SCN9A: variants seen among roughly 807,000 people sequenced by gnomAD.
SCN9A encodes sodium voltage-gated channel alpha subunit 9, also known as sodium channel protein type 9 subunit alpha.
SCN9A carries 131 observed loss-of-function variants against 187.0 expected under a neutral mutation model. The observed-to-expected ratio is 0.70, with a 90% confidence interval of 0.61 to 0.81. The LOEUF (loss-of-function observed/expected upper bound fraction) is 0.81, where lower values mean the gene tolerates loss of function less well. SCN9A is among the 30% of genes least tolerant of loss of function. The pLI, the probability that SCN9A is intolerant of heterozygous loss-of-function variation, is 0.00. For missense variants in SCN9A, 2,252 were observed against 2,396.6 expected, an observed-to-expected ratio of 0.94 and a Z score of 1.26; for synonymous variants, 809 against 808.6, an observed-to-expected ratio of 1.00 and a Z score of -0.01.
intron 1 of SCN9A, among the ~76,000 whole-genome samples, chr2:166,355,669 A>G (rs1193920427): frequency 6.6e-6 from 1 of 152,162 alleles, no homozygotes; most frequent in Non-Finnish European, 1.5e-5. Flanking sequence ...CTTTAAAGGA[A>G]TTATGCAGTA....
chr2:166,199,837 G>C lies in SCN9A; in HGVS notation c.4802C>G (p.Thr1601Arg). The C allele has an allele frequency of 6.2e-7, 1 of 1,613,676 alleles. No individual in the cohort carries two copies. Among genetic ancestry groups the C allele is most frequent in the East Asian group, 2.2e-5 (1 of 44,872 alleles). ...GAACAGGGTAGGGGACACAAAATAC[G>C]TTTCAATCAAATCAGCTAGAAACAT... ...VGMFLADLIE[T>R]YFVSPTLFRV... The change falls in exon 27 of 27, where the codon ACG becomes AGG. Residue 1601 changes from threonine to arginine, a missense_variant. Around this residue, in one of 7 missense-constraint regions of SCN9A, gnomAD observed 368 missense variants for 408.6 expected, o/e 0.90. Transcript: ENST00000642356.
intron 1 of SCN9A, among the ~76,000 whole-genome samples, chr2:166,335,018 T>G (rs1366110389): frequency 1.3e-5 from 2 of 152,156 alleles, no homozygotes; most frequent in Admixed American, 1.3e-4. Flanking sequence ...TTTCACCATT[T>G]TCAATATTAG....
In SCN9A at chr2:166,198,072, A is replaced by G. The variant is rs1693294550; in HGVS notation, c.*600T>C. ...ATAGCCTACATATATTTTTAATCCC[A>G]TGGCATTTTATAGGCACATATAAAT... On this transcript the variant is annotated 3_prime_UTR_variant, in exon 27 of 27. Coordinates refer to ENST00000642356, the MANE Select transcript of SCN9A (RefSeq NM_001365536.1). 6.6e-6 allele frequency: 1 copy of G among 152,256 alleles called. No homozygotes were observed. The highest frequency in any genetic ancestry group is 1.9e-4 in the East Asian group (1 of 5,196). 9.4% of individuals were successfully genotyped at this position (152,256 alleles called of 1,614,324 possible).
chr2:166,290,445 G>A (rs2106496838), intron 9 of SCN9A, among the ~76,000 whole-genome samples: 1 of 152,292 alleles, frequency 6.6e-6, no homozygotes, highest in African/African-American at 2.4e-5. Context: ...TAATGGGATT[G>A]CTAGGTCAAA....
intron 18 of SCN9A, among the ~76,000 whole-genome samples, chr2:166,244,061 G>GGAT (rs1314271545): frequency 6.6e-6 from 1 of 152,032 alleles, no homozygotes; most frequent in Non-Finnish European, 1.5e-5. Context: ...ACTACCAGGT[G>GGAT]GATGTTAGCA....
chr2:166,333,178 T>C (rs1370475686), intron 1 of SCN9A, among the ~76,000 whole-genome samples: 1 of 152,066 alleles, frequency 6.6e-6, no homozygotes, highest in African/African-American at 2.4e-5. Context: ...ACACAGTCAG[T>C]TAAATTTGAA....
At chr2:166,346,277 C>T (rs949033877) in intron 1 of SCN9A, among the ~76,000 whole-genome samples, 1 of 152,164 alleles carries the variant, frequency 6.6e-6, no homozygotes, top group African/African-American at 2.4e-5. Context: ...TTAGGTCTAA[C>T]TAAATTCCAA....
At chr2:166,211,250 T>C (rs1237022312) in intron 24 of SCN9A, among the ~76,000 whole-genome samples, 3 of 152,012 alleles carry the variant, frequency 2.0e-5, no homozygotes, top group African/African-American at 7.2e-5. Flanking sequence ...ATATTCAAAA[T>C]ACTTAAAGAA....
intron 1 of SCN9A, among the ~76,000 whole-genome samples, chr2:166,317,106 G>A (rs1699127978): frequency 2.0e-5 from 3 of 151,320 alleles, no homozygotes; most frequent in Middle Eastern, 8.6e-3. Context: ...AATACACAAT[G>A]CATTTAACAA....
At chr2:166,206,968 T>C (rs1160304795) in intron 24 of SCN9A, among the ~76,000 whole-genome samples, 20 of 152,104 alleles carry the variant, frequency 1.3e-4, no homozygotes, top group Admixed American at 1.3e-3. Flanking sequence ...AAATATAACT[T>C]TTAAAATTCA....
intron 26 of SCN9A, among the ~76,000 whole-genome samples, chr2:166,203,384 A>G (rs1468039159): frequency 2.0e-5 from 3 of 151,974 alleles, no homozygotes; most frequent in African/African-American, 4.8e-5. Flanking sequence ...CAATGAATGT[A>G]TAGGAAGTAT....
chr2:166,234,628 G>A (rs1386684515), intron 20 of SCN9A, among the ~76,000 whole-genome samples: 1 of 151,798 alleles, frequency 6.6e-6, no homozygotes, highest in South Asian at 2.1e-4. Flanking sequence ...AATTCCTAAA[G>A]CTACGTATTT....
chr2:166,335,494 CTG>C (rs1699604514), intron 1 of SCN9A, among the ~76,000 whole-genome samples: 1 of 152,130 alleles, frequency 6.6e-6, no homozygotes. Context: ...AGTGTGGACA[CTG>C]GAGTAAGACT....
intron 17 of SCN9A, among the ~76,000 whole-genome samples, chr2:166,264,941 A>G (rs564706956): frequency 2.6e-5 from 4 of 152,110 alleles, no homozygotes; most frequent in African/African-American, 9.6e-5. Context: ...AAAATTATTG[A>G]CACATAATAA....
At chr2:166,273,542 C>T (rs1697095710) in intron 16 of SCN9A, among the ~76,000 whole-genome samples, 1 of 151,976 alleles carries the variant, frequency 6.6e-6, no homozygotes, top group South Asian at 2.1e-4. Flanking sequence ...ATTATGTTTG[C>T]CCTAGAAGAG....
At position 166,349,227 on chromosome 2, in the gene SCN9A, C is replaced by G. The variant is rs111337704; in HGVS notation, c.-51+26470G>C. On this transcript the variant is annotated intron_variant, in intron 1 of 26. Coordinates refer to ENST00000642356, the MANE Select transcript of SCN9A (RefSeq NM_001365536.1). ...TGTGACCATCTTATTCATCTTTCTA[C>G]TCCCATATTTAGCCCAATGGGGTAC... is the stretch of plus-strand genomic sequence containing the variant. Among the ~76,000 whole-genome samples, 1,311 of 152,288 alleles carry G rather than the reference C, an allele frequency of 8.6e-3. 9 individuals are homozygous for G. Among genetic ancestry groups the G allele is most frequent in the South Asian group, 0.015 (72 of 4,822 alleles).
intron 24 of SCN9A, among the ~76,000 whole-genome samples, chr2:166,207,677 G>A (rs1693878854): frequency 6.6e-6 from 1 of 152,166 alleles, no homozygotes; most frequent in South Asian, 2.1e-4. Context: ...CTGGCCTCAA[G>A]TGATCTGCCA....
chr2:166,326,737 C>T (rs1335042013), intron 1 of SCN9A, among the ~76,000 whole-genome samples: 1 of 152,176 alleles, frequency 6.6e-6, no homozygotes, highest in East Asian at 1.9e-4. Flanking sequence ...ATCCTACTGA[C>T]TATTCTTTAT....
intron 1 of SCN9A, among the ~76,000 whole-genome samples, chr2:166,367,853 T>C (rs1318546107): frequency 1.3e-5 from 2 of 152,198 alleles, no homozygotes; most frequent in East Asian, 3.8e-4. Flanking sequence ...TAACACAATA[T>C]ACCCCTCAGG....
Sources: gnomAD v4.1 joint callset for allele counts (sites outside exome capture counted in the v4.1 genomes callset) on GRCh38, gnomAD v4.1.1 for gene constraint, gnomAD v4.1.1 regional missense constraint, MANE v1.5 for transcripts, NCBI Gene and HGNC (gene_info 2026-07-23, HGNC 2026-07-21) for gene names.